The following DRC11 variants were observed in gnomAD, a reference collection of about 807,000 sequenced individuals.
DRC11 encodes IQ and AAA domain-containing protein 1.
At chr2:236,459,603 A>ACGTATATACG in the DRC11 span, among the ~76,000 whole-genome samples, 4 of 85,058 alleles carry the variant, frequency 4.7e-5, no homozygotes, top group Non-Finnish European at 9.1e-5. Context: ...ACGTATACAT[A>ACGTATATACG]TATACGTATA....
chr2:236,500,151 C>T, the DRC11 span, among the ~76,000 whole-genome samples: 3 of 152,120 alleles, frequency 2.0e-5, no homozygotes, highest in Admixed American at 2.0e-4. This position sits in a 1 kb window ranked among gnomAD's most constrained non-coding sequence, Gnocchi z 6.3. Flanking sequence ...TATATACTGT[C>T]AGTCACTGTC....
the DRC11 span, among the ~76,000 whole-genome samples, chr2:236,356,738 C>A: frequency 6.6e-6 from 1 of 151,770 alleles, no homozygotes; most frequent in African/African-American, 2.4e-5. Context: ...CTCCGCTGTC[C>A]CCTGGTTTAC....
At chr2:236,399,479 C>T in the DRC11 span, 15 of 1,613,830 alleles carry the variant, frequency 9.3e-6, no homozygotes, top group South Asian at 8.8e-5. The surrounding 1 kb of genome is among the most constrained non-coding windows in gnomAD (Gnocchi z 7.0). Context: ...TTCCATTTTT[C>T]GTCTTCTTCC....
chr2:236,389,270 GC>G, the DRC11 span, among the ~76,000 whole-genome samples: 1 of 152,178 alleles, frequency 6.6e-6, no homozygotes, highest in African/African-American at 2.4e-5. Context: ...CCTCGCTGCC[GC>G]CTTGCAGTTT....
At chr2:236,332,013 T>C in the DRC11 span, 1 of 164,240 alleles carries the variant, frequency 6.1e-6, no homozygotes, top group Non-Finnish European at 1.3e-5. This position sits in a 1 kb window ranked among gnomAD's most constrained non-coding sequence, Gnocchi z 5.1. Context: ...TTTTTTTAGA[T>C]ATAAAGTTAA....
At chr2:236,496,508 C>G in the DRC11 span, among the ~76,000 whole-genome samples, 1 of 152,304 alleles carries the variant, frequency 6.6e-6, no homozygotes, top group East Asian at 1.9e-4. The surrounding 1 kb of genome is among the most constrained non-coding windows in gnomAD (Gnocchi z 6.3). Flanking sequence ...AGAAGAGAGG[C>G]CCTGTGCTCG....
the DRC11 span, chr2:236,338,219 T>C: frequency 2.0e-5 from 32 of 1,613,716 alleles, no homozygotes; most frequent in Middle Eastern, 1.2e-3. Context: ...TCTGGAAGCA[T>C]AGTCTGGTCT....
At chr2:236,486,011 T>C in the DRC11 span, among the ~76,000 whole-genome samples, 1 of 152,200 alleles carries the variant, frequency 6.6e-6, no homozygotes, top group Admixed American at 6.5e-5. This position sits in a 1 kb window ranked among gnomAD's most constrained non-coding sequence, Gnocchi z 5.7. Flanking sequence ...ACCAATATGA[T>C]AGGGCAAAGG....
At chr2:236,487,943 G>GT in the DRC11 span, 1 of 1,204,782 alleles carries the variant, frequency 8.3e-7, no homozygotes, top group Non-Finnish European at 1.1e-6. Context: ...AAATTGAGAT[G>GT]TATCTTTAGT....
the DRC11 span, among the ~76,000 whole-genome samples, chr2:236,490,980 A>C: frequency 6.1e-5 from 9 of 146,808 alleles, no homozygotes; most frequent in Admixed American, 6.2e-4. This position sits in a 1 kb window ranked among gnomAD's most constrained non-coding sequence, Gnocchi z 5.5. Flanking sequence ...ATATATATAC[A>C]GTATATACCC....
the DRC11 span, among the ~76,000 whole-genome samples, chr2:236,342,275 C>T: frequency 6.6e-6 from 1 of 152,152 alleles, no homozygotes; most frequent in Non-Finnish European, 1.5e-5. This position sits in a 1 kb window ranked among gnomAD's most constrained non-coding sequence, Gnocchi z 5.8. Flanking sequence ...ATCAGGGCAG[C>T]CTTTGGGACA....
the DRC11 span, among the ~76,000 whole-genome samples, chr2:236,383,703 G>A: frequency 6.9e-5 from 10 of 144,740 alleles, no homozygotes; most frequent in Admixed American, 7.2e-4. Context: ...TAGGGTACAT[G>A]TGCACATTGT....
the DRC11 span, chr2:236,324,762 G>C: frequency 6.2e-6 from 10 of 1,604,236 alleles, no homozygotes; most frequent in Non-Finnish European, 8.5e-6. The surrounding 1 kb of genome is among the most constrained non-coding windows in gnomAD (Gnocchi z 5.7). Flanking sequence ...TTTTTACCCA[G>C]AGGAGTTTTG....
the DRC11 span, among the ~76,000 whole-genome samples, chr2:236,458,145 C>T: frequency 5.9e-5 from 9 of 152,252 alleles, no homozygotes; most frequent in African/African-American, 1.9e-4. Context: ...TGAGTTGTGA[C>T]TCTGGGAGTA....
chr2:236,400,403 A>G, the DRC11 span, among the ~76,000 whole-genome samples: 1 of 152,266 alleles, frequency 6.6e-6, no homozygotes, highest in Non-Finnish European at 1.5e-5. The surrounding 1 kb of genome is among the most constrained non-coding windows in gnomAD (Gnocchi z 7.9). Flanking sequence ...CTCTGCTCTG[A>G]GCCCCAGCAC....
At chr2:236,374,220 G>A in the DRC11 span, among the ~76,000 whole-genome samples, 7 of 152,112 alleles carry the variant, frequency 4.6e-5, no homozygotes, top group African/African-American at 7.2e-5. Context: ...TGCCTGGGGG[G>A]TTTTGGTCTT....
At chr2:236,321,837 C>A in the DRC11 span, among the ~76,000 whole-genome samples, 3 of 152,092 alleles carry the variant, frequency 2.0e-5, no homozygotes, top group Non-Finnish European at 4.4e-5. Flanking sequence ...TAAGACATCT[C>A]GGGCACAGAG....
chr2:236,420,125 C>T, the DRC11 span, among the ~76,000 whole-genome samples: 1 of 152,168 alleles, frequency 6.6e-6, no homozygotes, highest in East Asian at 1.9e-4. This position sits in a 1 kb window ranked among gnomAD's most constrained non-coding sequence, Gnocchi z 4.8. Flanking sequence ...TTCTGAGAGC[C>T]TCACAGAGAC....
At chr2:236,380,621 CT>C in the DRC11 span, 1 of 1,550,544 alleles carries the variant, frequency 6.4e-7, no homozygotes. The surrounding 1 kb of genome is among the most constrained non-coding windows in gnomAD (Gnocchi z 4.9). Context: ...TTCTTTTTGC[CT>C]TTCTTTCCTT....
Sources: gnomAD v4.1 joint callset for allele counts (sites outside exome capture counted in the v4.1 genomes callset) on GRCh38, gnomAD v4.1.1 for gene constraint, Gnocchi (gnomAD v3.1) non-coding constraint, MANE v1.5 for transcripts, NCBI Gene and HGNC (gene_info 2026-07-23, HGNC 2026-07-21) for gene names.